The following STRBP variants were observed in gnomAD, a reference collection of about 807,000 sequenced individuals.
STRBP encodes spermatid perinuclear RNA-binding protein.
In STRBP, 13 loss-of-function variants were observed where a neutral mutation model predicts 80.1. The ratio of observed to expected loss-of-function variants is 0.16; its 90% CI spans 0.11 to 0.26. The LOEUF (loss-of-function observed/expected upper bound fraction) is 0.26. Ranked by LOEUF, STRBP falls within the 10% of genes least tolerant of loss-of-function variation. The pLI, the probability that STRBP is intolerant of heterozygous loss-of-function variation, is 1.00. For missense variants in STRBP, 485 were observed against 815.2 expected, an observed-to-expected ratio of 0.59 and a Z score of 4.93; for synonymous variants, 284 against 291.2, an observed-to-expected ratio of 0.98 and a Z score of 0.25.
chr9:123,264,707 C>T (rs1485694399), intron 1 of STRBP, among the ~76,000 whole-genome samples: 1 of 152,170 alleles, frequency 6.6e-6, no homozygotes, highest in Non-Finnish European at 1.5e-5. Flanking sequence ...ATTATTCAGC[C>T]TACAAAGCCT....
rs556580870 is a variant in STRBP, at chr9:123,221,110, C to T, written c.-165+15720G>A. 7.9e-5 allele frequency among the ~76,000 whole-genome samples: 12 copies of T among 152,180 alleles called. No homozygotes were observed. The South Asian group carries it at 2.3e-3, about 29-fold the overall frequency. On this transcript the variant is annotated intron_variant, in intron 2 of 18. Transcript: ENST00000348403. Reference sequence around the variant, plus strand: ...AAAGGAGGAGCTAAGCTGGGTGAAGCGTTGGGTCTCTCGGGCCTGCCTGTG... The same window carrying T: ...AAAGGAGGAGCTAAGCTGGGTGAAGTGTTGGGTCTCTCGGGCCTGCCTGTG...
Position 123,139,586 on chromosome 9 carries a change from A to G in STRBP, c.1440T>C (p.Ser480=). The G allele has an allele frequency of 6.2e-7, 1 of 1,613,032 alleles. No individual in the cohort carries two copies. Among genetic ancestry groups the G allele is most frequent in the Non-Finnish European group, 8.5e-7 (1 of 1,179,774 alleles). The change falls in exon 14 of 19, where the codon TCT becomes TCC. Residue 480 remains serine, a synonymous_variant. Transcript: ENST00000348403. ...TTCCAGTATTATTGCTTGAGTTTGA[A>G]GACACTGTTTCATTTTTACTTTCAT... is the stretch of plus-strand genomic sequence containing the variant. ...SDNESKNETV[S]SNSSNNTGNS...
At chr9:123,248,261 GT>G (rs1223848724) in intron 1 of STRBP, among the ~76,000 whole-genome samples, 1,895 of 75,496 alleles carry the variant, frequency 0.025, 13 homozygotes, top group African/African-American at 0.097. Context: ...CCCCTATCGT[GT>G]TTTTTTTTTT....
intron 11 of STRBP, among the ~76,000 whole-genome samples, chr9:123,156,852 G>C (rs576702430): frequency 4.7e-4 from 72 of 152,122 alleles, no homozygotes; most frequent in Non-Finnish European, 6.9e-4. Context: ...TTAGAGGTAG[G>C]CTGCATTCCA....
chr9:123,115,490 T>C lies in STRBP; in HGVS notation c.*84+439A>G. 2.4e-6 allele frequency: 1 copy of C among 413,610 alleles called. No homozygotes were observed. The highest frequency in any genetic ancestry group is 5.1e-6 in the Non-Finnish European group (1 of 198,006). The allele number at this position is 413,610 out of a possible 1,614,324, so 25.6% of individuals were successfully genotyped here. A position where few individuals can be genotyped will look rare whatever the true frequency, so the allele number is the denominator to read the frequency against. ...AATCCTCTGCACCTCTTTCTTCCCC[T>C]CCCTGTACTCTCCATCTGGGTCAAT... On this transcript the variant is annotated intron_variant and NMD_transcript_variant, in intron 3 of 3. Transcript: ENST00000471564. This position sits in a 1 kb window ranked among gnomAD's most constrained non-coding sequence, Gnocchi z 5.0.
At position 123,125,540 on chromosome 9, in the gene STRBP, C is replaced by T. The variant is rs1293198388; in HGVS notation, c.*57G>A. 2.7e-6 allele frequency: 4 copies of T among 1,460,780 alleles called. No homozygotes were observed. The East Asian group carries it at 7.4e-5, about 27-fold the overall frequency. The allele number at this position is 1,460,780 out of a possible 1,614,324, so 90.5% of individuals were successfully genotyped here. On this transcript the variant is annotated 3_prime_UTR_variant, in exon 19 of 19. Coordinates refer to ENST00000348403, the MANE Select transcript of STRBP (RefSeq NM_018387.5). ...AAAGCAGGATAAAAAGGCTTTTTCTCTAACATTCTGTGTTGTACTGTATTG... is the reference window on the plus strand; with the variant it reads ...AAAGCAGGATAAAAAGGCTTTTTCTTTAACATTCTGTGTTGTACTGTATTG...
At chr9:123,203,554 G>A (rs878937081) in intron 2 of STRBP, among the ~76,000 whole-genome samples, 2 of 152,082 alleles carry the variant, frequency 1.3e-5, no homozygotes, top group South Asian at 4.2e-4. Flanking sequence ...CCTTGCTGAC[G>A]TTCCCACCTC....
At chr9:123,258,359 G>A (rs953526566) in intron 1 of STRBP, among the ~76,000 whole-genome samples, 11 of 152,316 alleles carry the variant, frequency 7.2e-5, no homozygotes, top group African/African-American at 2.6e-4. Flanking sequence ...AGAAATGGAG[G>A]AGCTGCCATT....
intron 2 of STRBP, among the ~76,000 whole-genome samples, chr9:123,208,093 T>C (rs1008107091): frequency 6.6e-6 from 1 of 151,944 alleles, no homozygotes; most frequent in East Asian, 1.9e-4. Flanking sequence ...TACAAGAAAG[T>C]TCTCCATCAA....
At chr9:123,181,205 G>A (rs926270527) in intron 3 of STRBP, among the ~76,000 whole-genome samples, 4 of 152,114 alleles carry the variant, frequency 2.6e-5, no homozygotes, top group African/African-American at 9.7e-5. Flanking sequence ...TCCAACTGGT[G>A]CAGTTTGCCA....
At chr9:123,132,437 T>A (rs1319776005) in intron 17 of STRBP, among the ~76,000 whole-genome samples, 1 of 152,186 alleles carries the variant, frequency 6.6e-6, no homozygotes, top group Non-Finnish European at 1.5e-5. Flanking sequence ...TTCCCAAACA[T>A]TAAGTTTAAC....
rs1170746799 is a variant in STRBP, at chr9:123,122,557, C to T, written c.*3040G>A. ...CTTCAGAACTATATAAACTCAACTCCTTACTTCACCACCCATGCACTTCAT... is the reference window on the plus strand; with the variant it reads ...CTTCAGAACTATATAAACTCAACTCTTTACTTCACCACCCATGCACTTCAT... On this transcript the variant is annotated 3_prime_UTR_variant, in exon 19 of 19. Coordinates refer to ENST00000348403, the MANE Select transcript of STRBP (RefSeq NM_018387.5). The T allele has an allele frequency of 3.5e-6, 4 of 1,132,598 alleles. No individual in the cohort carries two copies. The Admixed American group carries it at 1.7e-4, about 49-fold the overall frequency. 70.2% of individuals were successfully genotyped at this position (1,132,598 alleles called of 1,614,324 possible).
Position 123,115,680 on chromosome 9 carries a change from AC to A in STRBP, c.*84+248del. The A allele has an allele frequency of 3.0e-6, 1 of 335,904 alleles. No homozygotes were observed. Among genetic ancestry groups the A allele is most frequent in the Admixed American group, 4.0e-5 (1 of 24,828 alleles). The allele number at this position is 335,904 out of a possible 1,614,324, so 20.8% of individuals were successfully genotyped here. On this transcript the variant is annotated intron_variant and NMD_transcript_variant, in intron 3 of 3. Coordinates refer to the STRBP transcript ENST00000471564. This position sits in a 1 kb window ranked among gnomAD's most constrained non-coding sequence, Gnocchi z 5.0. ...AGGGAGACATGGTCTTGGCAGCATC[AC>A]CAGTCAACATCAGAGTTCGTCCAAA...
intron 11 of STRBP, among the ~76,000 whole-genome samples, chr9:123,154,481 A>T (rs2037194484): frequency 6.6e-6 from 1 of 152,216 alleles, no homozygotes. Flanking sequence ...CAGGAAGGTA[A>T]TGAGAAGGAT....
At chr9:123,138,589 T>C (rs2036459485) in intron 14 of STRBP, among the ~76,000 whole-genome samples, 1 of 152,222 alleles carries the variant, frequency 6.6e-6, no homozygotes, top group Admixed American at 6.5e-5. Flanking sequence ...TGATTTTACA[T>C]GATTGTGTAA....
At chr9:123,160,872 G>T in intron 7 of STRBP, 105 bp downstream of exon 7, 1 of 857,986 alleles carries the variant, frequency 1.2e-6, no homozygotes, top group Non-Finnish European at 1.8e-6. Context: ...GAGCTAGAAA[G>T]CACCCCTCAT....
chr9:123,166,781 AC>A (rs879353667), intron 6 of STRBP, among the ~76,000 whole-genome samples: 6,556 of 150,568 alleles, frequency 0.044, 348 homozygotes, highest in African/African-American at 0.13. Context: ...AACAACAACA[AC>A]AACAACAACA....
chr9:123,168,915 G>A (rs2037886113), intron 6 of STRBP, among the ~76,000 whole-genome samples: 1 of 152,198 alleles, frequency 6.6e-6, no homozygotes, highest in Non-Finnish European at 1.5e-5. Context: ...TTATGAGGAT[G>A]ACGCTGCCAG....
At position 123,167,198 on chromosome 9, in the gene STRBP, T is replaced by G. The variant is rs189004922; in HGVS notation, c.535+2704A>C. Among the ~76,000 whole-genome samples the G allele has an allele frequency of 3.5e-4, 53 of 152,176 alleles. 1 individual carries two copies. The highest frequency in any genetic ancestry group is 1.1e-3 in the African/African-American group (47 of 41,520). ...AGAAAGATGTGAGGTGTGTATGTAT[T>G]GTGAACAGTTTGTTTGGGTGGGGGT... On this transcript the variant is annotated intron_variant, in intron 6 of 18. Coordinates refer to ENST00000348403, the MANE Select transcript of STRBP (RefSeq NM_018387.5).
Sources: allele counts gnomAD v4.1 joint callset (sites outside exome capture counted in the v4.1 genomes callset), GRCh38; gene constraint gnomAD v4.1.1; non-coding constraint Gnocchi (gnomAD v3.1); transcripts MANE v1.5; gene names NCBI Gene and HGNC (gene_info 2026-07-23, HGNC 2026-07-21).